The following ROBO2 variants were observed in gnomAD, a reference collection of about 807,000 sequenced individuals.
ROBO2 encodes the protein roundabout homolog 2.
ROBO2 carries 53 observed loss-of-function variants against 160.8 expected under a neutral mutation model. That is an observed-to-expected ratio of 0.33 (90% CI 0.26 to 0.41). The LOEUF (loss-of-function observed/expected upper bound fraction) is 0.41, where lower values mean the gene tolerates loss of function less well. ROBO2 is among the 10% of genes least tolerant of loss of function. ROBO2 has a pLI of 1.00. For synonymous variants in ROBO2, 664 were observed against 611.7 expected (o/e 1.09, Z -1.26); for missense variants, 1,577 against 1,722.4 (o/e 0.92, Z 1.49).
chr3:76,357,546 G>T (rs1237469913), intron 2 of ROBO2, among the ~76,000 whole-genome samples: 1 of 151,938 alleles, frequency 6.6e-6, no homozygotes, highest in African/African-American at 2.4e-5. Flanking sequence ...GTTGGGGTTG[G>T]CTAGAAGGTT....
At chr3:76,703,412 A>G (rs1014452726) in intron 2 of ROBO2, among the ~76,000 whole-genome samples, 1 of 152,110 alleles carries the variant, frequency 6.6e-6, no homozygotes, top group African/African-American at 2.4e-5. Context: ...CATGTGCAGA[A>G]CGTGCAGGTT....
At chr3:77,474,274 CCATA>C (rs931178952) in intron 2 of ROBO2, among the ~76,000 whole-genome samples, 1 of 152,128 alleles carries the variant, frequency 6.6e-6, no homozygotes, top group African/African-American at 2.4e-5. Context: ...CATTGGTATA[CCATA>C]GCGGTGTTAG....
chr3:77,348,331 T>C (rs1446124470), intron 2 of ROBO2, among the ~76,000 whole-genome samples: 1 of 152,166 alleles, frequency 6.6e-6, no homozygotes, highest in Non-Finnish European at 1.5e-5. Flanking sequence ...TTTTAGACCA[T>C]GTAGGGTAAC....
chr3:77,587,804 C>T (rs960424590), intron 16 of ROBO2, among the ~76,000 whole-genome samples: 2 of 152,064 alleles, frequency 1.3e-5, no homozygotes, highest in African/African-American at 4.8e-5. Flanking sequence ...TTACCATTTA[C>T]CTTTTAAAAG....
At chr3:76,068,252 C>G (rs2068327772) in intron 2 of ROBO2, among the ~76,000 whole-genome samples, 1 of 152,118 alleles carries the variant, frequency 6.6e-6, no homozygotes, top group Non-Finnish European at 1.5e-5. Flanking sequence ...CTGTAGTCAG[C>G]TGAAGGACAG....
At chr3:76,354,126 T>C (rs527709395) in intron 2 of ROBO2, among the ~76,000 whole-genome samples, 1 of 152,078 alleles carries the variant, frequency 6.6e-6, no homozygotes, top group South Asian at 2.1e-4. Flanking sequence ...AAAAATTCAG[T>C]AGCTTCATTT....
intron 2 of ROBO2, among the ~76,000 whole-genome samples, chr3:75,945,554 A>G (rs1315934704): frequency 1.3e-5 from 2 of 151,632 alleles, no homozygotes; most frequent in African/African-American, 2.4e-5. Context: ...AACGGTCACT[A>G]TTGAAGACTC....
intron 2 of ROBO2, among the ~76,000 whole-genome samples, chr3:76,132,860 T>A (rs72896521): frequency 6.6e-6 from 1 of 151,898 alleles, no homozygotes. Context: ...TCACACACAG[T>A]AGTGGAAGCA....
chr3:77,277,315 T>C (rs750184078), intron 2 of ROBO2, among the ~76,000 whole-genome samples: 3 of 151,736 alleles, frequency 2.0e-5, no homozygotes, highest in Non-Finnish European at 4.4e-5. Context: ...TATTTTAAGT[T>C]CAGGTGTACA....
intron 2 of ROBO2, among the ~76,000 whole-genome samples, chr3:76,493,880 T>C (rs912282909): frequency 2.0e-5 from 3 of 152,222 alleles, no homozygotes; most frequent in Non-Finnish European, 4.4e-5. Context: ...ATTAAAAGCT[T>C]GATTTCTTGA....
At chr3:76,863,459 G>T in intron 2 of ROBO2, among the ~76,000 whole-genome samples, 1 of 147,228 alleles carries the variant, frequency 6.8e-6, no homozygotes, top group South Asian at 2.2e-4. Context: ...AAAAAGAAAA[G>T]AAAAGAAAGA....
chr3:76,861,652 A>G (rs2070790832), intron 2 of ROBO2, among the ~76,000 whole-genome samples: 1 of 152,178 alleles, frequency 6.6e-6, no homozygotes, highest in African/African-American at 2.4e-5. Flanking sequence ...TGAATTCTAG[A>G]GTGGTGTATA....
At chr3:76,437,163 T>A (rs1226194286) in intron 2 of ROBO2, among the ~76,000 whole-genome samples, 2 of 149,412 alleles carry the variant, frequency 1.3e-5, no homozygotes, top group African/African-American at 2.6e-5. Context: ...TTTGAAACTT[T>A]AATTAACACC....
intron 2 of ROBO2, among the ~76,000 whole-genome samples, chr3:76,968,538 C>T (rs2059419305): frequency 6.6e-6 from 1 of 152,006 alleles, no homozygotes; most frequent in Non-Finnish European, 1.5e-5. Flanking sequence ...ATATGAAATT[C>T]AAATAAAATA....
intron 7 of ROBO2, among the ~76,000 whole-genome samples, chr3:77,550,195 T>C (rs949471587): frequency 6.6e-6 from 1 of 152,050 alleles, no homozygotes; most frequent in Admixed American, 6.6e-5. Context: ...ACATTCTACA[T>C]TTTCTTTTTA....
chr3:76,298,995 T>C (rs1376607000), intron 2 of ROBO2, among the ~76,000 whole-genome samples: 1 of 152,196 alleles, frequency 6.6e-6, no homozygotes, highest in Non-Finnish European at 1.5e-5. Flanking sequence ...TATAAGTGTC[T>C]GCATTTCACC....
intron 2 of ROBO2, among the ~76,000 whole-genome samples, chr3:76,646,931 C>A (rs1452220345): frequency 3.9e-5 from 6 of 152,186 alleles, no homozygotes; most frequent in African/African-American, 1.4e-4. Flanking sequence ...GTCATCACCA[C>A]CCCTATGGCT....
chr3:77,209,161 T>C (rs2083792329), intron 2 of ROBO2, among the ~76,000 whole-genome samples: 1 of 152,190 alleles, frequency 6.6e-6, no homozygotes, highest in South Asian at 2.1e-4. Context: ...GTAATGTTAA[T>C]TTCACACAGC....
chr3:77,104,610 G>C (rs1014002323), intron 2 of ROBO2, among the ~76,000 whole-genome samples: 1 of 151,994 alleles, frequency 6.6e-6, no homozygotes, highest in African/African-American at 2.4e-5. Flanking sequence ...TAGAATTGTC[G>C]AGTCATATGG....
Sources: gnomAD v4.1 joint callset for allele counts (sites outside exome capture counted in the v4.1 genomes callset) on GRCh38, gnomAD v4.1.1 for gene constraint, MANE v1.5 for transcripts, NCBI Gene and HGNC (gene_info 2026-07-23, HGNC 2026-07-21) for gene names.